ANK2: variants seen among roughly 807,000 people sequenced by gnomAD.
ANK2 encodes ankyrin 2.
In ANK2, 83 loss-of-function variants were observed where a neutral mutation model predicts 360.5. The ratio of observed to expected loss-of-function variants is 0.23; its 90% CI spans 0.19 to 0.28. The LOEUF is 0.28. ANK2 is among the 10% of genes least tolerant of loss of function. ANK2 has a pLI of 1.00. For synonymous variants in ANK2, 1,740 were observed against 1,759.5 expected (o/e 0.99, Z 0.28); for missense variants, 4,201 against 4,795.7 (o/e 0.88, Z 3.66).
chr4:113,312,393 G>A (rs1238183226), intron 24 of ANK2, among the ~76,000 whole-genome samples: 1 of 152,076 alleles, frequency 6.6e-6, no homozygotes, highest in Non-Finnish European at 1.5e-5. Context: ...GCTATTTTAT[G>A]AATATCCAGC....
chr4:112,834,181 A>G (rs975237008), intron 1 of ANK2, among the ~76,000 whole-genome samples: 4 of 152,350 alleles, frequency 2.6e-5, no homozygotes, highest in African/African-American at 7.2e-5. Flanking sequence ...AGTTCAATGC[A>G]TATATCAATA....
intron 2 of ANK2, among the ~76,000 whole-genome samples, chr4:113,189,453 C>G (rs1452234138): frequency 1.3e-5 from 2 of 152,112 alleles, no homozygotes; most frequent in Non-Finnish European, 2.9e-5. Flanking sequence ...GTTTCTAGCA[C>G]AATGTTTAGC....
chr4:112,821,629 A>G (rs1270981723), intron 1 of ANK2, among the ~76,000 whole-genome samples: 1 of 151,280 alleles, frequency 6.6e-6, no homozygotes, highest in South Asian at 2.1e-4. Flanking sequence ...CAGCCTCTTG[A>G]GTAACTGGGA....
intron 1 of ANK2, among the ~76,000 whole-genome samples, chr4:113,173,048 A>T (rs541925003): frequency 4.2e-4 from 64 of 152,332 alleles, no homozygotes; most frequent in Non-Finnish European, 7.5e-4. Flanking sequence ...TCATATGATG[A>T]TGGATTTCTA....
At chr4:113,030,466 A>C (rs1351617463) in intron 2 of ANK2, among the ~76,000 whole-genome samples, 1 of 152,140 alleles carries the variant, frequency 6.6e-6, no homozygotes, top group African/African-American at 2.4e-5. Context: ...TTGATGCTCA[A>C]ATTAGGTAAG....
At chr4:113,265,303 T>A (rs1385263063) in intron 14 of ANK2, among the ~76,000 whole-genome samples, 2 of 152,204 alleles carry the variant, frequency 1.3e-5, no homozygotes, top group Non-Finnish European at 2.9e-5. Flanking sequence ...ATCTCTTTAT[T>A]TTCATGAATT....
chr4:113,133,641 G>GA (rs1343652498), intron 1 of ANK2, among the ~76,000 whole-genome samples: 4 of 152,026 alleles, frequency 2.6e-5, no homozygotes, highest in Non-Finnish European at 2.9e-5. Context: ...TTCAAAAAGA[G>GA]AAAAAAATAA....
At chr4:112,924,451 C>T (rs1387269985) in intron 2 of ANK2, among the ~76,000 whole-genome samples, 3 of 151,872 alleles carry the variant, frequency 2.0e-5, no homozygotes, top group African/African-American at 7.3e-5. Flanking sequence ...CTTAGATAAC[C>T]AGTGCATATT....
intron 2 of ANK2, among the ~76,000 whole-genome samples, chr4:112,950,461 A>T (rs1345082394): frequency 6.8e-6 from 1 of 147,778 alleles, no homozygotes; most frequent in African/African-American, 2.5e-5. Flanking sequence ...TGGCTAACAC[A>T]GTGAAACCCT....
intron 4 of ANK2, among the ~76,000 whole-genome samples, chr4:113,207,146 C>T (rs1362511677): frequency 2.6e-5 from 4 of 152,132 alleles, no homozygotes; most frequent in African/African-American, 4.8e-5. Context: ...TCCTAAAAGA[C>T]AATAATATTT....
intron 26 of ANK2, among the ~76,000 whole-genome samples, chr4:113,320,579 C>T (rs1276202788): frequency 6.6e-6 from 1 of 151,988 alleles, no homozygotes; most frequent in African/African-American, 2.4e-5. Flanking sequence ...CATTTGAACC[C>T]GGGAGGTGGT....
chr4:113,333,102 A>G lies in ANK2; in HGVS notation c.3273A>G (p.Glu1091=), dbSNP rs1366976932. Residue 1091 remains glutamate (E), a synonymous_variant, in exon 29 of 46, where the codon GAA becomes GAG. Transcript: ENST00000357077. Reference sequence around the variant, plus strand: ...ACTTTGCGGCCCTTCGAGGAAAGGAAAGGGAACTGGTGGTCCTGCGCAGTG... The same window carrying G: ...ACTTTGCGGCCCTTCGAGGAAAGGAGAGGGAACTGGTGGTCCTGCGCAGTG... The part of the protein sequence containing the change: ...IPHFAALRGK[E]RELVVLRSEN... The G allele has an allele frequency of 6.2e-7, 1 of 1,614,226 alleles. No individual in the cohort carries two copies. Among genetic ancestry groups the G allele is most frequent in the African/African-American group, 1.3e-5 (1 of 75,060 alleles).
At chr4:112,731,280 CA>C in the ANK2 span, among the ~76,000 whole-genome samples, 3 of 94,426 alleles carry the variant, frequency 3.2e-5, no homozygotes, top group Non-Finnish European at 5.9e-5. Flanking sequence ...TGGGCAAGAG[CA>C]AGATGTAGTC....
intron 1 of ANK2, chr4:113,117,019 G>C (rs952865139): frequency 1.0e-5 from 3 of 289,668 alleles, no homozygotes; most frequent in African/African-American, 6.5e-5. Flanking sequence ...GAGTGTGGGT[G>C]CACACCTATG....
At chr4:112,734,788 C>T in the ANK2 span, among the ~76,000 whole-genome samples, 1 of 152,014 alleles carries the variant, frequency 6.6e-6, no homozygotes, top group South Asian at 2.1e-4. Flanking sequence ...CAAAAATAAC[C>T]ACCATTTTTG....
At chr4:113,366,452 C>T (rs1380459822) in intron 41 of ANK2, among the ~76,000 whole-genome samples, 1 of 122,086 alleles carries the variant, frequency 8.2e-6, no homozygotes, top group Non-Finnish European at 1.6e-5. Context: ...TGGCAGGTTA[C>T]TTCTCATGGA....
chr4:113,214,687 T>A (rs1585049114), intron 4 of ANK2, among the ~76,000 whole-genome samples: 1 of 152,154 alleles, frequency 6.6e-6, no homozygotes, highest in Admixed American at 6.5e-5. Flanking sequence ...GCATGGTAGG[T>A]TAGGACTTTA....
At chr4:112,999,049 A>G (rs902048367) in intron 2 of ANK2, among the ~76,000 whole-genome samples, 4 of 152,200 alleles carry the variant, frequency 2.6e-5, no homozygotes, top group African/African-American at 9.6e-5. Context: ...GTATTTAAAT[A>G]TATTAAATAT....
chr4:112,903,850 A>T (rs2084288274), intron 1 of ANK2, among the ~76,000 whole-genome samples: 2 of 152,186 alleles, frequency 1.3e-5, no homozygotes, highest in Admixed American at 1.3e-4. Context: ...TATGATGTTT[A>T]GTTTTTCTTA....
Sources: allele counts gnomAD v4.1 joint callset (sites outside exome capture counted in the v4.1 genomes callset), GRCh38; gene constraint gnomAD v4.1.1; transcripts MANE v1.5; gene names NCBI Gene and HGNC (gene_info 2026-07-23, HGNC 2026-07-21).